Variants in KCND2 observed in about 807,000 individuals in gnomAD.
KCND2 encodes the protein A-type voltage-gated potassium channel KCND2.
KCND2 carries 16 observed loss-of-function variants against 54.4 expected under a neutral mutation model. That is an observed-to-expected ratio of 0.29 (90% CI 0.20 to 0.45). The LOEUF is 0.45. Among genes scored for constraint, KCND2 ranks in the 20% least tolerant of loss-of-function variants. The probability of loss-of-function intolerance (pLI) is 1.00; values close to 1 mark genes in which losing one functional copy is unlikely to be tolerated. For missense variants in KCND2, 486 were observed against 824.2 expected (o/e 0.59, Z 5.02); for synonymous variants, 317 against 310.7 (o/e 1.02, Z -0.21).
chr7:120,370,824 CAGGGAAAGGTAACAAATACCTCTTATTT>C (rs1180574250), intron 1 of KCND2, among the ~76,000 whole-genome samples: 2 of 151,976 alleles, frequency 1.3e-5, no homozygotes, highest in Non-Finnish European at 2.9e-5. Flanking sequence ...GAGCTCCAAA[CAGGGAAAGGTAACAAATACCTCTTATTT>C]AGAATCAATT....
chr7:120,701,256 A>G (rs1792398657), intron 1 of KCND2, among the ~76,000 whole-genome samples: 2 of 125,086 alleles, frequency 1.6e-5, no homozygotes, highest in Non-Finnish European at 3.3e-5. Context: ...AAAAAAAAAA[A>G]AAAAAAAAAA....
chr7:120,341,740 G>T (rs376897637), intron 1 of KCND2, among the ~76,000 whole-genome samples: 9 of 152,162 alleles, frequency 5.9e-5, no homozygotes, highest in Admixed American at 5.9e-4. Context: ...TATCATATAT[G>T]TGTTTATTGA....
chr7:120,652,098 A>G (rs1791742445), intron 1 of KCND2, among the ~76,000 whole-genome samples: 1 of 147,150 alleles, frequency 6.8e-6, no homozygotes, highest in South Asian at 2.1e-4. Context: ...TTTTTTTGAG[A>G]TGGAGTCTTG....
At chr7:120,519,977 A>T (rs1791667439) in intron 1 of KCND2, among the ~76,000 whole-genome samples, 1 of 152,080 alleles carries the variant, frequency 6.6e-6, no homozygotes, top group Non-Finnish European at 1.5e-5. Flanking sequence ...AAATTATCCT[A>T]ATTATTAAAT....
In KCND2 at chr7:120,749,449, T is replaced by TTTTATTC. The variant is rs1264901419; in HGVS notation, c.*1592_*1598dup. On this transcript the variant is annotated 3_prime_UTR_variant, in exon 6 of 6. Coordinates refer to ENST00000331113, the MANE Select transcript of KCND2 (RefSeq NM_012281.3). The stretch of plus-strand genomic sequence containing the variant: ...AAAAGTTTAATGTCAAATGCAAAGT[T>TTTTATTC]TTTATTCATTCCAAGCCACCACTGT... 1.3e-5 allele frequency: 2 copies of TTTTATTC among 152,360 alleles called. No individual in the cohort carries two copies. The highest frequency in any genetic ancestry group is 4.8e-5 in the African/African-American group (2 of 41,448). 9.4% of individuals were successfully genotyped at this position (152,360 alleles called of 1,614,324 possible).
chr7:120,414,504 T>C lies in KCND2; in HGVS notation c.1115+138757T>C, dbSNP rs1030348623. 5.9e-5 allele frequency among the ~76,000 whole-genome samples: 9 copies of C among 152,304 alleles called. No homozygotes were observed. In the South Asian group the frequency reaches 1.2e-3, roughly 21 times the overall value. ...TATTGGTGCATGTTTAACTGAATGG[T>C]CTTATGATAGAGTAATTACTAGAAC... On this transcript the variant is annotated intron_variant, in intron 1 of 5. Coordinates refer to ENST00000331113, the MANE Select transcript of KCND2 (RefSeq NM_012281.3).
intron 1 of KCND2, among the ~76,000 whole-genome samples, chr7:120,374,897 G>A (rs1443837470): frequency 1.3e-5 from 2 of 151,732 alleles, no homozygotes; most frequent in African/African-American, 4.8e-5. Context: ...TTCACCAATT[G>A]TCTTGTATTT....
intron 1 of KCND2, among the ~76,000 whole-genome samples, chr7:120,636,402 G>A (rs906375951): frequency 6.6e-6 from 1 of 152,068 alleles, no homozygotes; most frequent in Non-Finnish European, 1.5e-5. Context: ...ATTTATGTTT[G>A]CACTAAAGAG....
chr7:120,546,738 A>T (rs1043330454), intron 1 of KCND2, among the ~76,000 whole-genome samples: 14 of 152,052 alleles, frequency 9.2e-5, no homozygotes, highest in African/African-American at 2.9e-4. Flanking sequence ...GAAATCATTC[A>T]TCAAGTACAC....
chr7:120,550,074 A>G (rs774194674), intron 1 of KCND2, among the ~76,000 whole-genome samples: 1 of 152,006 alleles, frequency 6.6e-6, no homozygotes, highest in African/African-American at 2.4e-5. Context: ...AGCTGCCTCT[A>G]TAGAGGGATT....
intron 1 of KCND2, among the ~76,000 whole-genome samples, chr7:120,528,974 G>C (rs762359884): frequency 1.3e-5 from 2 of 152,174 alleles, no homozygotes; most frequent in Non-Finnish European, 2.9e-5. Context: ...AGCTGGAAAA[G>C]TATATCTTAT....
intron 1 of KCND2, among the ~76,000 whole-genome samples, chr7:120,718,091 G>A (rs1792624659): frequency 6.6e-6 from 1 of 152,102 alleles, no homozygotes. Context: ...GTGGAGAGAG[G>A]CAGTGATAGG....
At chr7:120,402,416 A>G (rs1033218757) in intron 1 of KCND2, among the ~76,000 whole-genome samples, 5 of 152,130 alleles carry the variant, frequency 3.3e-5, no homozygotes, top group Non-Finnish European at 7.4e-5. Context: ...TTCTGACCTA[A>G]GTGTTGTTGT....
At chr7:120,745,008 C>G (rs1373716694) in intron 4 of KCND2, among the ~76,000 whole-genome samples, 1 of 152,044 alleles carries the variant, frequency 6.6e-6, no homozygotes, top group Non-Finnish European at 1.5e-5. Flanking sequence ...ATGCCTATTG[C>G]TATTTGCTAC....
chr7:120,629,558 G>A (rs1311515374), intron 1 of KCND2, among the ~76,000 whole-genome samples: 1 of 152,194 alleles, frequency 6.6e-6, no homozygotes, highest in Admixed American at 6.5e-5. Flanking sequence ...GCGAGGAACT[G>A]TTGATTTTAT....
chr7:120,326,853 C>G (rs899735160), intron 1 of KCND2, among the ~76,000 whole-genome samples: 2 of 151,978 alleles, frequency 1.3e-5, no homozygotes, highest in African/African-American at 4.8e-5. Flanking sequence ...GTTCAGTAAG[C>G]ACTGATAGGT....
chr7:120,492,043 T>A (rs906357087), intron 1 of KCND2, among the ~76,000 whole-genome samples: 1 of 152,144 alleles, frequency 6.6e-6, no homozygotes, highest in Non-Finnish European at 1.5e-5. Context: ...GTGTCTTGTA[T>A]AAGCTGATAC....
chr7:120,561,598 ATTTTTTTTTTTTTT>A (rs57015988), intron 1 of KCND2, among the ~76,000 whole-genome samples: 21 of 47,284 alleles, frequency 4.4e-4, no homozygotes, highest in Non-Finnish European at 2.7e-4. Flanking sequence ...AAGCTACCTG[ATTTTTTTTTTTTTT>A]TTTTTTTTTT....
At chr7:120,424,729 C>G (rs886646981) in intron 1 of KCND2, among the ~76,000 whole-genome samples, 1 of 152,080 alleles carries the variant, frequency 6.6e-6, no homozygotes, top group African/African-American at 2.4e-5. Flanking sequence ...ACATTTGAAC[C>G]TAGCTACTAG....
Sources: gnomAD v4.1 joint callset for allele counts (sites outside exome capture counted in the v4.1 genomes callset) on GRCh38, gnomAD v4.1.1 for gene constraint, MANE v1.5 for transcripts, NCBI Gene and HGNC (gene_info 2026-07-23, HGNC 2026-07-21) for gene names.